Variants in SLBP observed in about 807,000 individuals in gnomAD.
SLBP encodes stem-loop histone mRNA binding protein.
Under a neutral mutation model 39.2 loss-of-function variants are expected in SLBP, and 29 were observed. That is an observed-to-expected ratio of 0.74 (90% CI 0.55 to 1.01). The LOEUF (loss-of-function observed/expected upper bound fraction) is 1.01. Among genes scored for constraint, SLBP ranks in the 50% least tolerant of loss-of-function variants. SLBP has a pLI of 0.00. For synonymous variants in SLBP, 129 were observed against 118.7 expected (o/e 1.09, Z -0.57); for missense variants, 390 against 350.2 (o/e 1.11, Z -0.91).
In SLBP at chr4:1,711,990, G is replaced by C. The variant is rs1716796615; in HGVS notation, c.60C>G (p.Ser20Arg). 1 of 1,291,018 alleles carries C rather than the reference G, an allele frequency of 7.7e-7. No individual in the cohort carries two copies. Among genetic ancestry groups the C allele is most frequent in the Non-Finnish European group, 9.8e-7 (1 of 1,018,892 alleles). The allele number at this position is 1,291,018 out of a possible 1,614,324, so 80.0% of individuals were successfully genotyped here. A position where few individuals can be genotyped will look rare whatever the true frequency, so the allele number is the denominator to read the frequency against. ...GGCTCCATCGCGCGGGGGACGGCGG[G>C]CTGCGGGGAGGGACGCGGTCGGCTG... is the stretch of plus-strand genomic sequence containing the variant. The part of the protein sequence containing the change: ...RHQSRCDGDA[S>R]PPSPARWSLG... The change falls in exon 2 of 8, where the codon AGC becomes AGG. Residue 20 changes from serine to arginine, a missense_variant and splice_region_variant. Ser to Arg is a moderately radical substitution (Grantham distance 110). Coordinates refer to ENST00000489418, the MANE Select transcript of SLBP (RefSeq NM_006527.4).
At chr4:1,708,133 G>GT (rs1716594111) in intron 2 of SLBP, among the ~76,000 whole-genome samples, 1 of 150,152 alleles carries the variant, frequency 6.7e-6, no homozygotes, top group South Asian at 2.1e-4. Flanking sequence ...CATGCCTGTA[G>GT]TCCCAGCTAC....
intron 2 of SLBP, among the ~76,000 whole-genome samples, chr4:1,711,136 C>T (rs1716751026): frequency 6.8e-6 from 1 of 147,294 alleles, no homozygotes; most frequent in Admixed American, 6.8e-5. Context: ...CCTTTTGGCA[C>T]AGTGAAGTTG....
chr4:1,712,284 G>C lies in SLBP; in HGVS notation c.-96C>G. 1.3e-6 allele frequency: 1 copy of C among 755,928 alleles called. No individual in the cohort carries two copies. Among genetic ancestry groups the C allele is most frequent in the Non-Finnish European group, 1.9e-6 (1 of 536,862 alleles). The allele number at this position is 755,928 out of a possible 1,614,324, so 46.8% of individuals were successfully genotyped here. ...GTAGAGCAGGGCAGGGCCTGAGGCA[G>C]AAACCCGCGTCCCCGCGCCGGCGCT... On this transcript the variant is annotated 5_prime_UTR_variant, in exon 1 of 8. Coordinates refer to ENST00000489418, the MANE Select transcript of SLBP (RefSeq NM_006527.4).
At position 1,693,517 on chromosome 4, in the gene SLBP, G is replaced by T; in HGVS notation, c.*80C>A. The T allele has an allele frequency of 2.5e-6, 2 of 810,128 alleles. No individual in the cohort carries two copies. The highest frequency in any genetic ancestry group is 1.4e-5 in the South Asian group (1 of 70,534). 50.2% of individuals were successfully genotyped at this position (810,128 alleles called of 1,614,324 possible). On this transcript the variant is annotated 3_prime_UTR_variant, in exon 8 of 8. Coordinates refer to ENST00000489418, the MANE Select transcript of SLBP (RefSeq NM_006527.4). ...AACAGAGAAACCACCAGGTACAAGT[G>T]CACACACATGCTTGGTGCCTGGCCA...
Position 1,696,149 on chromosome 4 carries a change from C to T in SLBP, c.629+53G>A, listed in dbSNP as rs1716096616. The T allele has an allele frequency of 2.7e-6, 4 of 1,478,466 alleles. No individual in the cohort carries two copies. In the African/African-American group the frequency reaches 4.3e-5, roughly 16 times the overall value. 91.6% of individuals were successfully genotyped at this position (1,478,466 alleles called of 1,614,324 possible). ...CTGTCCCAGTGGTGCGCAGCTGCTC[C>T]AGTCACTGGACCAATCAGAGAATCA... On this transcript the variant is annotated intron_variant, in intron 6 of 7. Coordinates refer to ENST00000489418, the MANE Select transcript of SLBP (RefSeq NM_006527.4).
At chr4:1,703,518 T>TA in intron 3 of SLBP, 78 bp downstream of exon 3, 1 of 946,400 alleles carries the variant, frequency 1.1e-6, no homozygotes, top group South Asian at 1.3e-5. Flanking sequence ...AAAACCACTG[T>TA]TCTAAGACAA....
At chr4:1,699,416 A>C (rs1230743359) in intron 5 of SLBP, 148 bp downstream of exon 5, 1 of 590,154 alleles carries the variant, frequency 1.7e-6, no homozygotes, top group African/African-American at 1.8e-5. Flanking sequence ...TTCTTTATTT[A>C]CGTCATAAGC....
intron 5 of SLBP, 126 bp downstream of exon 5, chr4:1,699,438 C>T (rs2109119349): frequency 1.3e-6 from 1 of 761,924 alleles, no homozygotes; most frequent in Non-Finnish European, 2.1e-6. Context: ...CCAGTAAGTC[C>T]CTATTAAATA....
At chr4:1,702,417 T>C (rs1054253477) in intron 3 of SLBP, among the ~76,000 whole-genome samples, 1 of 152,226 alleles carries the variant, frequency 6.6e-6, no homozygotes, top group African/African-American at 2.4e-5. Flanking sequence ...CAAAGGAGGC[T>C]GATATAAATA....
At chr4:1,694,487 G>C (rs1465078092) in intron 7 of SLBP, among the ~76,000 whole-genome samples, 1 of 151,944 alleles carries the variant, frequency 6.6e-6, no homozygotes, top group Non-Finnish European at 1.5e-5. Context: ...CACCTCCTGG[G>C]TTCAAGCTAT....
In SLBP at chr4:1,699,564, C is replaced by G; in HGVS notation, c.479G>C (p.Arg160Thr). ...AGACATGCCACTGAAACAAGACTAC[C>G]TTGGGACTTCTTTAATATAACGATC... ...AYDRYIKEVPRHLRQPGIHPK... is the reference protein window; with the variant it reads ...AYDRYIKEVPTHLRQPGIHPK... The change falls in exon 5 of 8, where the codon AGA becomes ACA. Residue 160 changes from arginine (R) to threonine (T), a missense_variant and splice_region_variant. By Grantham distance (71) the Arg-to-Thr change is moderately conservative (BLOSUM62 -1). Transcript: ENST00000489418. 1 of 1,613,968 alleles carries G rather than the reference C, an allele frequency of 6.2e-7. No homozygotes were observed. Among genetic ancestry groups the G allele is most frequent in the Non-Finnish European group, 8.5e-7 (1 of 1,179,882 alleles).
At chr4:1,699,780 A>G (rs968556691) in intron 4 of SLBP, 79 bp from the exon 5 acceptor site, 2 of 1,353,490 alleles carry the variant, frequency 1.5e-6, no homozygotes, top group Non-Finnish European at 1.0e-6. Context: ...GAAAATGTCA[A>G]AACACAATAA....
At chr4:1,712,106 G>A (rs1371999900) in intron 1 of SLBP, 24 bp downstream of exon 1, 1 of 1,226,600 alleles carries the variant, frequency 8.2e-7, no homozygotes, top group Non-Finnish European at 1.0e-6. Flanking sequence ...GCGCTCCCTC[G>A]CCCGCCGCGC....
chr4:1,702,603 C>T (rs1175050089), intron 3 of SLBP, among the ~76,000 whole-genome samples: 2 of 152,168 alleles, frequency 1.3e-5, no homozygotes, highest in African/African-American at 4.8e-5. Flanking sequence ...AAACCCAGTC[C>T]TTGCAACTGG....
In SLBP at chr4:1,694,856, C is replaced by T; in HGVS notation, c.630-16G>A. On this transcript the variant is annotated splice_polypyrimidine_tract_variant and intron_variant, in intron 6 of 7. Coordinates refer to ENST00000489418, the MANE Select transcript of SLBP (RefSeq NM_006527.4). ...TACAGGGTGTCTGTTAAACAAGATC[C>T]AACATGTGCGTCAGGCACTAACTTA... 6.3e-7 allele frequency: 1 copy of T among 1,597,558 alleles called. No individual in the cohort carries two copies. Among genetic ancestry groups the T allele is most frequent in the Non-Finnish European group, 8.6e-7 (1 of 1,164,952 alleles).
Position 1,693,659 on chromosome 4 carries a change from C to T in SLBP, c.751G>A (p.Asp251Asn). 6.2e-7 allele frequency: 1 copy of T among 1,614,086 alleles called. No homozygotes were observed. The highest frequency in any genetic ancestry group is 8.5e-7 in the Non-Finnish European group (1 of 1,179,928). Residue 251 changes from aspartate (D) to asparagine (N), a missense_variant, in exon 8 of 8, where the codon GAT (aspartate) becomes AAT (asparagine). Coordinates refer to ENST00000489418, the MANE Select transcript of SLBP (RefSeq NM_006527.4). ...KVRHMDSQVE[D>N]EFDLEACLTE... ...AAACAAGCTTCCAAATCAAACTCAT[C>T]CTCCACTTGACTGTCCATGTGTCTC...
intron 6 of SLBP, among the ~76,000 whole-genome samples, chr4:1,695,377 G>A (rs1472548424): frequency 6.6e-6 from 1 of 152,202 alleles, no homozygotes; most frequent in Non-Finnish European, 1.5e-5. Context: ...GGACCAGAGG[G>A]GAGCTGAGAA....
chr4:1,696,470 T>C (rs919793719), intron 5 of SLBP, 119 bp from the exon 6 acceptor site: 3 of 837,200 alleles, frequency 3.6e-6, no homozygotes, highest in African/African-American at 1.8e-5. Flanking sequence ...TCACCAGGCA[T>C]GGTGGCTCAT....
intron 5 of SLBP, among the ~76,000 whole-genome samples, 180 bp from the exon 6 acceptor site, chr4:1,696,531 G>A (rs1484714816): frequency 6.6e-6 from 1 of 151,838 alleles, no homozygotes; most frequent in African/African-American, 2.4e-5. Context: ...CTTAAGCTCA[G>A]GAATTTAAAA....
Sources: allele counts gnomAD v4.1 joint callset (sites outside exome capture counted in the v4.1 genomes callset), GRCh38; gene constraint gnomAD v4.1.1; transcripts MANE v1.5; gene names NCBI Gene and HGNC (gene_info 2026-07-23, HGNC 2026-07-21).